GPR83: variants seen among roughly 807,000 people sequenced by gnomAD.
GPR83 encodes G protein-coupled receptor 83.
In GPR83, 23 loss-of-function variants were observed where a neutral mutation model predicts 28.0. That is an observed-to-expected ratio of 0.82 (90% confidence interval 0.59 to 1.16). GPR83 has a LOEUF of 1.16. Ranked by LOEUF, GPR83 falls within the 50% of genes most tolerant of loss-of-function variation. The probability of loss-of-function intolerance (pLI) is 0.00; values close to 1 mark genes in which losing one functional copy is unlikely to be tolerated. For synonymous variants in GPR83, 234 were observed against 215.4 expected, an observed-to-expected ratio of 1.09 and a Z score of -0.76; for missense variants, 610 against 536.6, an observed-to-expected ratio of 1.14 and a Z score of -1.35.
In GPR83 at chr11:94,380,296, G is replaced by A. The variant is rs1944672121; in HGVS notation, c.1125C>T (p.Pro375=). 6.3e-7 allele frequency: 1 copy of A among 1,599,374 alleles called. No individual in the cohort carries two copies. Among genetic ancestry groups the A allele is most frequent in the South Asian group, 1.1e-5 (1 of 88,292 alleles). ...RPPKPQEDRP[P]SPVPSFRVAW... ...CCACCCTGAAGGAAGGAACTGGGGA[G>A]GGTGGCCTGTCCTCCTGAGGCTTGG... Residue 375 remains proline (P), a synonymous_variant, in exon 4 of 4, where the codon CCC becomes CCT. Transcript: ENST00000243673.
intron 2 of GPR83, among the ~76,000 whole-genome samples, chr11:94,394,580 T>A (rs1048775903): frequency 6.6e-6 from 1 of 152,182 alleles, no homozygotes; most frequent in Admixed American, 6.5e-5. Context: ...TGGCACCACC[T>A]CTAGATGCCA....
At chr11:94,388,724 G>A (rs1198256980) in intron 3 of GPR83, among the ~76,000 whole-genome samples, 1 of 152,130 alleles carries the variant, frequency 6.6e-6, no homozygotes, top group East Asian at 1.9e-4. Flanking sequence ...GGAAGAATCA[G>A]TATTGTGAAA....
chr11:94,381,584 C>CGCGT lies in GPR83; in HGVS notation c.648-812_648-811insACGC, dbSNP rs1554991077. On this transcript the variant is annotated intron_variant, in intron 3 of 3. Coordinates refer to ENST00000243673, the MANE Select transcript of GPR83 (RefSeq NM_016540.4). ...GTGTGTGTGTGTGTGTGTGTGCGCGCGTGCTGCAGGTGGGGTGGCACATGG... is the reference window on the plus strand; with the variant it reads ...GTGTGTGTGTGTGTGTGTGTGCGCGCGCGTGTGCTGCAGGTGGGGTGGCACATGG... Among the ~76,000 whole-genome samples the CGCGT allele has an allele frequency of 5.1e-3, 727 of 141,920 alleles. 13 individuals are homozygous for CGCGT. The highest frequency in any genetic ancestry group is 0.018 in the African/African-American group (701 of 38,440). 93.1% of individuals were successfully genotyped at this position (141,920 alleles called of 152,430 possible). A position where few individuals can be genotyped will look rare whatever the true frequency, so the allele number is the denominator to read the frequency against.
chr11:94,395,268 A>T (rs1443321864), intron 2 of GPR83, among the ~76,000 whole-genome samples: 1 of 152,318 alleles, frequency 6.6e-6, no homozygotes, highest in South Asian at 2.1e-4. Flanking sequence ...CACTTCTATG[A>T]GAGAATTCTT....
Position 94,380,205 on chromosome 11 carries a change from G to T in GPR83, c.1216C>A (p.Leu406Ile). ...GACAGGTCTGTCTTCCCAGACTGGA[G>T]TTGGGAGGTGGGCAGGAGGTTATTG... ...LANNLLPTSQ[L>I]QSGKTDLSSV... The change falls in exon 4 of 4, where the codon CTC (leucine) becomes ATC (isoleucine). Residue 406 changes from leucine to isoleucine, a missense_variant. Coordinates refer to ENST00000243673, the MANE Select transcript of GPR83 (RefSeq NM_016540.4). 6.6e-7 allele frequency: 1 copy of T among 1,521,372 alleles called. No homozygotes were observed. Among genetic ancestry groups the T allele is most frequent in the Non-Finnish European group, 8.8e-7 (1 of 1,136,594 alleles). The allele number at this position is 1,521,372 out of a possible 1,614,324, so 94.2% of individuals were successfully genotyped here. A position where few individuals can be genotyped will look rare whatever the true frequency, so the allele number is the denominator to read the frequency against.
At chr11:94,398,740 A>C (rs1354334597) in intron 1 of GPR83, among the ~76,000 whole-genome samples, 1 of 152,218 alleles carries the variant, frequency 6.6e-6, no homozygotes. Flanking sequence ...TATTGTTGCC[A>C]ATCAGGCAAA....
Position 94,379,885 on chromosome 11 carries a change from G to A in GPR83, c.*264C>T, listed in dbSNP as rs138033157. 5.6e-4 allele frequency: 173 copies of A among 310,444 alleles called. 1 individual carries two copies. The highest frequency in any genetic ancestry group is 3.3e-3 in the African/African-American group (155 of 46,766). 19.2% of individuals were successfully genotyped at this position (310,444 alleles called of 1,614,324 possible). On this transcript the variant is annotated 3_prime_UTR_variant, in exon 4 of 4. Coordinates refer to ENST00000243673, the MANE Select transcript of GPR83 (RefSeq NM_016540.4). The stretch of plus-strand genomic sequence containing the variant: ...CCCCATCTGGGCCAACGTTGTCCTC[G>A]CTCCTCTTCCTCAGAGATACAGGCT...
At chr11:94,388,287 A>G (rs1405662193) in intron 3 of GPR83, among the ~76,000 whole-genome samples, 2 of 151,974 alleles carry the variant, frequency 1.3e-5, no homozygotes, top group African/African-American at 2.4e-5. Flanking sequence ...CTCTCTCACC[A>G]CTCCTATTCA....
Position 94,380,231 on chromosome 11 carries a change from G to T in GPR83, c.1190C>A (p.Ala397Asp), listed in dbSNP as rs1251928934. ...TTGGGAGGTGGGCAGGAGGTTATTG[G>T]CAAGGGGAGCCCTCTGGCCATCATT... ...EKNDGQRAPL[A>D]NNLLPTSQLQ... The change falls in exon 4 of 4, where the codon GCC (alanine) becomes GAC (aspartate). Residue 397 changes from alanine to aspartate, a missense_variant. By Grantham distance (126) the Ala-to-Asp change is moderately radical. Coordinates refer to ENST00000243673, the MANE Select transcript of GPR83 (RefSeq NM_016540.4). 7 of 1,526,044 alleles carry T rather than the reference G, an allele frequency of 4.6e-6. No homozygotes were observed. The highest frequency in any genetic ancestry group is 2.6e-5 in the South Asian group (2 of 75,746). The allele number at this position is 1,526,044 out of a possible 1,614,324, so 94.5% of individuals were successfully genotyped here. A position where few individuals can be genotyped will look rare whatever the true frequency, so the allele number is the denominator to read the frequency against.
chr11:94,388,085 C>G (rs959073701), intron 3 of GPR83, among the ~76,000 whole-genome samples: 2 of 152,198 alleles, frequency 1.3e-5, no homozygotes, highest in Admixed American at 1.3e-4. Context: ...ACACGATTAT[C>G]TCAATAGATG....
At chr11:94,384,591 C>A (rs942203937) in intron 3 of GPR83, among the ~76,000 whole-genome samples, 1 of 152,148 alleles carries the variant, frequency 6.6e-6, no homozygotes, top group Admixed American at 6.5e-5. Context: ...CCTTTCCTAG[C>A]CAAGGAAAGG....
At position 94,400,941 on chromosome 11, in the gene GPR83, G is replaced by A. The variant is rs1374966946; in HGVS notation, c.307C>T (p.His103Tyr). ...CHVIFKNQRM[H>Y]SATSLFIVNL... ...ACGATGAAGAGGCTGGTGGCCGAGT[G>A]CATTCGCTGGTTCTTGAAGATGACA... is the stretch of plus-strand genomic sequence containing the variant. Residue 103 changes from histidine (H) to tyrosine (Y), a missense_variant, in exon 1 of 4, where the codon CAC becomes TAC. Transcript: ENST00000243673. 2 of 1,613,764 alleles carry A rather than the reference G, an allele frequency of 1.2e-6. No individual in the cohort carries two copies. Among genetic ancestry groups the A allele is most frequent in the Non-Finnish European group, 8.5e-7 (1 of 1,179,748 alleles).
At chr11:94,392,786 A>G (rs888948418) in intron 3 of GPR83, among the ~76,000 whole-genome samples, 3 of 151,960 alleles carry the variant, frequency 2.0e-5, no homozygotes, top group African/African-American at 7.3e-5. Flanking sequence ...AGATCCTGCC[A>G]TTGTACTCCA....
At chr11:94,393,643 C>T in intron 2 of GPR83, 25 bp from the exon 3 acceptor site, 1 of 1,612,650 alleles carries the variant, frequency 6.2e-7, no homozygotes, top group Non-Finnish European at 8.5e-7. Context: ...AACCACATCA[C>T]TAACTGAAGA....
At chr11:94,400,733 G>A (rs1944903261) in intron 1 of GPR83, 128 bp downstream of exon 1, 2 of 740,738 alleles carry the variant, frequency 2.7e-6, no homozygotes, top group Admixed American at 2.6e-5. Flanking sequence ...AAATGAGGAG[G>A]AAGAGAGATG....
rs1462130825 is a variant in GPR83, at chr11:94,379,942, T to C, written c.*207A>G. The C allele has an allele frequency of 1.2e-5, 5 of 409,772 alleles. No homozygotes were observed. The highest frequency in any genetic ancestry group is 2.2e-5 in the Non-Finnish European group (5 of 231,340). 25.4% of individuals were successfully genotyped at this position (409,772 alleles called of 1,614,324 possible). A position where few individuals can be genotyped will look rare whatever the true frequency, so the allele number is the denominator to read the frequency against. ...CCTCCCAGTGTTTCTTAGATGGGAATTTATGAACACATGTCTAGTTGGTGG... is the reference window on the plus strand; with the variant it reads ...CCTCCCAGTGTTTCTTAGATGGGAACTTATGAACACATGTCTAGTTGGTGG... On this transcript the variant is annotated 3_prime_UTR_variant, in exon 4 of 4. Transcript: ENST00000243673.
Position 94,380,512 on chromosome 11 carries a change from G to T in GPR83, c.909C>A (p.Leu303=), listed in dbSNP as rs1157539059. 6.2e-7 allele frequency: 1 copy of T among 1,614,114 alleles called. No homozygotes were observed. Reference sequence around the variant, plus strand: ...CGTAGCAGTTGAGGGGGAACCAGCAGAGGGCAAAGAGGACTACCACCAGCA... The same window carrying T: ...CGTAGCAGTTGAGGGGGAACCAGCATAGGGCAAAGAGGACTACCACCAGCA... The part of the protein sequence containing the change: ...MLMLVVVLFA[L]CWFPLNCYVL... The change falls in exon 4 of 4, where the codon CTC becomes CTA. Residue 303 remains leucine, a synonymous_variant. Coordinates refer to ENST00000243673, the MANE Select transcript of GPR83 (RefSeq NM_016540.4).
At chr11:94,386,148 TGA>T (rs1217868992) in intron 3 of GPR83, among the ~76,000 whole-genome samples, 1 of 152,174 alleles carries the variant, frequency 6.6e-6, no homozygotes. Flanking sequence ...AAGCAAATGC[TGA>T]GAGACTCTGT....
chr11:94,388,126 C>T (rs972365728), intron 3 of GPR83, among the ~76,000 whole-genome samples: 17 of 152,226 alleles, frequency 1.1e-4, no homozygotes, highest in African/African-American at 3.4e-4. Context: ...ATTCAACAGC[C>T]CTTCATGCTA....
Sources: allele counts gnomAD v4.1 joint callset (sites outside exome capture counted in the v4.1 genomes callset), GRCh38; gene constraint gnomAD v4.1.1; transcripts MANE v1.5; gene names NCBI Gene and HGNC (gene_info 2026-07-23, HGNC 2026-07-21).